The following MED27 variants were observed in gnomAD, a reference collection of about 807,000 sequenced individuals.
MED27 encodes the protein mediator complex subunit 27, also known as mediator of RNA polymerase II transcription subunit 27.
Under a neutral mutation model 38.2 loss-of-function variants are expected in MED27, and 30 were observed. That is an observed-to-expected ratio of 0.79 (90% CI 0.59 to 1.07). The LOEUF is 1.07. MED27 is among the 50% of genes least tolerant of loss of function. The pLI, the probability that MED27 is intolerant of heterozygous loss-of-function variation, is 0.00. For synonymous variants in MED27, 122 were observed against 153.5 expected, an observed-to-expected ratio of 0.79 and a Z score of 1.52; for missense variants, 289 against 397.5, an observed-to-expected ratio of 0.73 and a Z score of 2.32.
intron 2 of MED27, among the ~76,000 whole-genome samples, chr9:132,030,362 G>A (rs1416091419): frequency 2.6e-5 from 4 of 152,122 alleles, no homozygotes; most frequent in African/African-American, 4.8e-5. Flanking sequence ...CAGCTATTCC[G>A]CTCCAGAAAA....
intron 6 of MED27, among the ~76,000 whole-genome samples, chr9:131,865,797 C>T (rs1258633704): frequency 2.6e-5 from 4 of 152,226 alleles, no homozygotes; most frequent in African/African-American, 9.6e-5. Context: ...TTTTTAAACA[C>T]AAATGACCAA....
intron 3 of MED27, among the ~76,000 whole-genome samples, chr9:131,979,197 C>T (rs868835672): frequency 6.6e-6 from 1 of 152,174 alleles, no homozygotes; most frequent in South Asian, 2.1e-4. Context: ...CTGGCTCTCC[C>T]GAGGCACATA....
chr9:132,049,253 G>A (rs1407464393), intron 2 of MED27, among the ~76,000 whole-genome samples: 2 of 152,162 alleles, frequency 1.3e-5, no homozygotes, highest in East Asian at 1.9e-4. Context: ...ACTAAAGGTC[G>A]GTCTTGGCTT....
Position 131,891,639 on chromosome 9 carries a change from T to C in MED27, c.681+2246A>G, listed in dbSNP as rs544124263. ...TTGCTTTCTGCCTAACATCTATTAA[T>C]ATCCTACTTTCCTACTTTGGGGAGG... is the stretch of plus-strand genomic sequence containing the variant. On this transcript the variant is annotated intron_variant, in intron 5 of 7. Transcript: ENST00000292035. 2.6e-5 allele frequency among the ~76,000 whole-genome samples: 4 copies of C among 152,256 alleles called. No homozygotes were observed. The South Asian group carries it at 8.3e-4, about 32-fold the overall frequency.
intron 2 of MED27, among the ~76,000 whole-genome samples, chr9:132,019,642 G>A (rs1055824605): frequency 6.6e-6 from 1 of 152,190 alleles, no homozygotes; most frequent in African/African-American, 2.4e-5. Flanking sequence ...CACATGAGAG[G>A]AGATGCCAGC....
intron 3 of MED27, among the ~76,000 whole-genome samples, chr9:131,950,540 C>T (rs1830975070): frequency 6.6e-6 from 1 of 152,166 alleles, no homozygotes; most frequent in African/African-American, 2.4e-5. Flanking sequence ...TTTAACGTCC[C>T]TGAGAATCTA....
intron 6 of MED27, chr9:131,868,835 CA>C (rs1488279840): frequency 2.0e-6 from 2 of 985,342 alleles, no homozygotes; most frequent in African/African-American, 3.5e-5. Flanking sequence ...ACGCCAGGCA[CA>C]GGCTGGGAGA....
In MED27 at chr9:131,862,736, C is replaced by G. The variant is rs939041408; in HGVS notation, c.801+327G>C. Among the ~76,000 whole-genome samples the G allele has an allele frequency of 1.3e-5, 2 of 152,202 alleles. No homozygotes were observed. Among genetic ancestry groups the G allele is most frequent in the African/African-American group, 2.4e-5 (1 of 41,434 alleles). Reference sequence around the variant, plus strand: ...CGATCTGTTAATTCACTGCTACATGCTCTGTGCCAACCACAGGGCCTGGCC... The same window carrying G: ...CGATCTGTTAATTCACTGCTACATGGTCTGTGCCAACCACAGGGCCTGGCC... On this transcript the variant is annotated intron_variant, in intron 7 of 7. Coordinates refer to ENST00000292035, the MANE Select transcript of MED27 (RefSeq NM_004269.4). This position sits in a 1 kb window ranked among gnomAD's most constrained non-coding sequence, Gnocchi z 4.6.
intron 6 of MED27, among the ~76,000 whole-genome samples, chr9:131,874,421 C>T (rs369713842): frequency 2.6e-5 from 4 of 152,194 alleles, no homozygotes; most frequent in South Asian, 2.1e-4. Context: ...TCAGGGCCTC[C>T]GAGAGGACTG....
chr9:132,014,420 T>C lies in MED27; in HGVS notation c.396A>G (p.Ser132=), dbSNP rs1285474823. 3 of 1,614,076 alleles carry C rather than the reference T, an allele frequency of 1.9e-6. No homozygotes were observed. Among genetic ancestry groups the C allele is most frequent in the Non-Finnish European group, 2.5e-6 (3 of 1,180,000 alleles). ...GLASGLLNQQ[S]LKRSANQMGV... ...CCATCTGATTAGCGGAACGCTTCAA[T>C]GACTGCTGATTTAAAAGGCCAGATG... The change falls in exon 3 of 8, where the codon TCA becomes TCG. Residue 132 remains serine (S), a synonymous_variant. Transcript: ENST00000292035.
intron 4 of MED27, among the ~76,000 whole-genome samples, chr9:131,926,637 G>A (rs1399360331): frequency 6.6e-6 from 1 of 152,210 alleles, no homozygotes; most frequent in East Asian, 1.9e-4. Flanking sequence ...TGAACTCAGT[G>A]GAGAAATCAA....
chr9:131,930,385 C>G (rs1830562621), intron 4 of MED27, among the ~76,000 whole-genome samples: 1 of 152,130 alleles, frequency 6.6e-6, no homozygotes, highest in South Asian at 2.1e-4. Context: ...AAACAAATAA[C>G]ATAGAGTGGA....
chr9:132,002,585 G>A (rs1832261685), intron 3 of MED27, among the ~76,000 whole-genome samples: 1 of 152,088 alleles, frequency 6.6e-6, no homozygotes, highest in Non-Finnish European at 1.5e-5. Flanking sequence ...AAATCTATAT[G>A]GCACAGAGAC....
intron 2 of MED27, among the ~76,000 whole-genome samples, chr9:132,063,790 T>C (rs1347437266): frequency 1.3e-5 from 2 of 151,962 alleles, no homozygotes; most frequent in African/African-American, 4.8e-5. Flanking sequence ...GAGCCTGGGG[T>C]AATGAGCAAA....
At chr9:132,034,087 T>A (rs1483128813) in intron 2 of MED27, among the ~76,000 whole-genome samples, 1 of 151,546 alleles carries the variant, frequency 6.6e-6, no homozygotes, top group South Asian at 2.1e-4. Context: ...AGATGAGGAG[T>A]CATGAGTACC....
intron 2 of MED27, among the ~76,000 whole-genome samples, chr9:132,039,320 A>G (rs567625595): frequency 6.6e-6 from 1 of 152,278 alleles, no homozygotes; most frequent in Admixed American, 6.5e-5. Flanking sequence ...AAGCTGTGTA[A>G]CTGAAGCTCT....
intron 6 of MED27, among the ~76,000 whole-genome samples, chr9:131,878,484 A>T (rs73548893): frequency 0.019 from 2,940 of 152,118 alleles, 97 homozygotes; most frequent in African/African-American, 0.067. Flanking sequence ...AGAGCTGGAC[A>T]TCTGCGGGCT....
intron 2 of MED27, among the ~76,000 whole-genome samples, chr9:132,059,960 T>C (rs1053579645): frequency 3.3e-5 from 5 of 152,010 alleles, no homozygotes; most frequent in African/African-American, 1.2e-4. Context: ...TCCTAGAAGG[T>C]AGGAACCATG....
chr9:131,970,887 G>T (rs538111915), intron 3 of MED27, among the ~76,000 whole-genome samples: 1 of 152,260 alleles, frequency 6.6e-6, no homozygotes, highest in African/African-American at 2.4e-5. Context: ...CTGTAAAAAG[G>T]CATTTTTAGA....
Sources: gnomAD v4.1 joint callset for allele counts (sites outside exome capture counted in the v4.1 genomes callset) on GRCh38, gnomAD v4.1.1 for gene constraint, Gnocchi (gnomAD v3.1) non-coding constraint, MANE v1.5 for transcripts, NCBI Gene and HGNC (gene_info 2026-07-23, HGNC 2026-07-21) for gene names.